The following EHMT2 variants were observed in gnomAD, a reference collection of about 807,000 sequenced individuals.
EHMT2 encodes euchromatic histone lysine methyltransferase 2, also known as histone-lysine N-methyltransferase EHMT2.
EHMT2 carries 59 observed loss-of-function variants against 143.3 expected under a neutral mutation model. The observed-to-expected ratio is 0.41, with a 90% CI of 0.33 to 0.51. EHMT2 has a LOEUF of 0.51. EHMT2 is among the 20% of genes least tolerant of loss of function. The pLI, the probability that EHMT2 is intolerant of heterozygous loss-of-function variation, is 0.18. For synonymous variants in EHMT2, 604 were observed against 651.5 expected (o/e 0.93, Z 1.11); for missense variants, 1,174 against 1,645.9 (o/e 0.71, Z 4.96).
intron 16 of EHMT2, 38 bp downstream of exon 16, chr6:31,886,957 G>A (rs758926792): frequency 8.7e-5 from 140 of 1,613,640 alleles, no homozygotes; most frequent in Non-Finnish European, 1.2e-4. Context: ...GGGCCTAAGG[G>A]CCTGGTGAAT....
rs143327875 is a variant in EHMT2 at position 31,884,482 on chromosome 6, C to T, written c.2681G>A (p.Arg894His). The change falls in exon 21 of 28, where the codon CGC becomes CAC. Residue 894 changes from arginine to histidine, a missense_variant. Physicochemically the swap from Arg to His is conservative, Grantham distance 29. Transcript: ENST00000375537. This position sits in a 1 kb window ranked among gnomAD's most constrained non-coding sequence, Gnocchi z 7.3. Reference sequence around the variant, plus strand: ...TTGAAGCGCAAACCACACGTCGGAGCGCTCGGGAGTCAGGTCCCATGCTGT... The same window carrying T: ...TTGAAGCGCAAACCACACGTCGGAGTGCTCGGGAGTCAGGTCCCATGCTGT... 34 of 1,612,824 alleles carry T rather than the reference C, an allele frequency of 2.1e-5. No individual in the cohort carries two copies. The African/African-American group carries it at 3.6e-4, about 17-fold the overall frequency.
In EHMT2 at chr6:31,880,798, G is replaced by A. The variant is rs1321130196; in HGVS notation, c.3327C>T (p.Arg1109=). The A allele has an allele frequency of 1.2e-5, 20 of 1,613,858 alleles. No homozygotes were observed. Among genetic ancestry groups the A allele is most frequent in the Non-Finnish European group, 1.6e-5 (19 of 1,180,040 alleles). Reference sequence around the variant, plus strand: ...TGGGGTCACACAGGTGGTTGATGAAGCGGCTGATGTTGCCATAGTAACGGG... The same window carrying A: ...TGGGGTCACACAGGTGGTTGATGAAACGGCTGATGTTGCCATAGTAACGGG... Residue 1109 remains arginine (R), a synonymous_variant, in exon 27 of 28, where the codon CGC becomes CGT. Transcript: ENST00000375537. The surrounding 1 kb of genome is among the most constrained non-coding windows in gnomAD (Gnocchi z 6.6).
At position 31,880,055 on chromosome 6, in the gene EHMT2, A is replaced by G. The variant is rs1763894575; in HGVS notation, c.*29T>C. ...GGAGGCGGCTGAGCTGTGGCCATCCATGCTGGGGAGAGAGGGTGTGGTCCG... is the reference window on the plus strand; with the variant it reads ...GGAGGCGGCTGAGCTGTGGCCATCCGTGCTGGGGAGAGAGGGTGTGGTCCG... On this transcript the variant is annotated 3_prime_UTR_variant, in exon 28 of 28. Coordinates refer to ENST00000375537, the Ensembl canonical transcript of EHMT2. The surrounding 1 kb of genome is among the most constrained non-coding windows in gnomAD (Gnocchi z 6.6). 3 of 1,602,528 alleles carry G rather than the reference A, an allele frequency of 1.9e-6. No individual in the cohort carries two copies. Among genetic ancestry groups the G allele is most frequent in the South Asian group, 1.1e-5 (1 of 90,630 alleles).
intron 4 of EHMT2, among the ~76,000 whole-genome samples, chr6:31,894,426 C>T (rs148253466): frequency 0.029 from 4,473 of 152,020 alleles, 176 homozygotes; most frequent in African/African-American, 0.091. Flanking sequence ...GGATTACATG[C>T]GTGAGGCACC....
In EHMT2 at chr6:31,881,378, G is replaced by A; in HGVS notation, c.3198-286C>T. The A allele has an allele frequency of 1.8e-6, 1 of 545,666 alleles. No individual in the cohort carries two copies. Among genetic ancestry groups the A allele is most frequent in the South Asian group, 2.1e-5 (1 of 47,640 alleles). The allele number at this position is 545,666 out of a possible 1,614,324, so 33.8% of individuals were successfully genotyped here. On this transcript the variant is annotated intron_variant, in intron 25 of 27. Coordinates refer to ENST00000375537, the Ensembl canonical transcript of EHMT2. This position sits in a 1 kb window ranked among gnomAD's most constrained non-coding sequence, Gnocchi z 4.8. ...GTGGGGAAGTTCGGGTTTGGACACA[G>A]AGAGGTTTGTGTTCCAGGAGCCACC...
intron 7 of EHMT2, among the ~76,000 whole-genome samples, chr6:31,890,338 C>G (rs1765523806): frequency 6.6e-6 from 1 of 152,070 alleles, no homozygotes; most frequent in Admixed American, 6.5e-5. Context: ...CTCACTGCAA[C>G]CTCCACCTCC....
chr6:31,886,482 G>A (rs1186655253), intron 18 of EHMT2, 99 bp downstream of exon 18: 28 of 938,532 alleles, frequency 3.0e-5, no homozygotes, highest in Admixed American at 4.5e-5. Flanking sequence ...CACGAGCAGT[G>A]TGAGGTCAGA....
At chr6:31,894,576 C>T (rs184605008) in intron 4 of EHMT2, among the ~76,000 whole-genome samples, 20 of 152,342 alleles carry the variant, frequency 1.3e-4, no homozygotes, top group African/African-American at 4.8e-4. Flanking sequence ...GCCACTGCGC[C>T]TGGCCTAAAA....
chr6:31,880,100 G>T lies in EHMT2; in HGVS notation c.3617C>A (p.Pro1206His). 6.2e-7 allele frequency: 1 copy of T among 1,612,666 alleles called. No individual in the cohort carries two copies. The highest frequency in any genetic ancestry group is 1.7e-5 in the Admixed American group (1 of 60,008). ...GGTCCGTTCTCATGTGTTGACAGGG[G>T]GCAGGGAGCCGAGCTCGGGCAGCAG... The change falls in exon 28 of 28, where the codon CCC (proline) becomes CAC (histidine). Residue 1206 changes from proline (P) to histidine (H), a missense_variant. Physicochemically the swap from Pro to His is moderately conservative, Grantham distance 77. This residue lies in a region of EHMT2 where 42 missense variants were observed against 45.1 expected (regional missense o/e 0.93). Transcript: ENST00000375537. The surrounding 1 kb of genome is among the most constrained non-coding windows in gnomAD (Gnocchi z 6.6).
intron 7 of EHMT2, 117 bp downstream of exon 7, chr6:31,892,290 G>A (rs1411728090): frequency 1.7e-6 from 2 of 1,189,288 alleles, no homozygotes; most frequent in African/African-American, 1.5e-5. Context: ...ATGACTTAGT[G>A]GATATTCAGA....
rs1037806949 is a variant in EHMT2 at position 31,880,978 on chromosome 6, TG to T, written c.3276+35del. The T allele has an allele frequency of 1.2e-6, 2 of 1,610,598 alleles. No individual in the cohort carries two copies. Among genetic ancestry groups the T allele is most frequent in the African/African-American group, 2.7e-5 (2 of 74,840 alleles). On this transcript the variant is annotated intron_variant, in intron 26 of 27. Coordinates refer to ENST00000375537, the Ensembl canonical transcript of EHMT2. This position sits in a 1 kb window ranked among gnomAD's most constrained non-coding sequence, Gnocchi z 6.6. The stretch of plus-strand genomic sequence containing the variant: ...CCCAGAGGCTCCTGAAAGCCAGCCC[TG>T]GGGAGCAGCAGGGTAAGGAGGGTCT...
Position 31,889,018 on chromosome 6 carries a change from C to T in EHMT2, c.1167G>A (p.Leu389=), listed in dbSNP as rs1371801865. Residue 389 remains leucine (L), a synonymous_variant, in exon 10 of 28, where the codon CTG becomes CTA. Coordinates refer to ENST00000375537, the Ensembl canonical transcript of EHMT2. This position sits in a 1 kb window ranked among gnomAD's most constrained non-coding sequence, Gnocchi z 5.1. ...CCTCGCTGGGCAGCTCCAGGGACCC[C>T]AGAGGGACCTCCATGTACTCACTGG... 1 of 1,602,364 alleles carries T rather than the reference C, an allele frequency of 6.2e-7. No individual in the cohort carries two copies. Among genetic ancestry groups the T allele is most frequent in the Non-Finnish European group, 8.5e-7 (1 of 1,176,510 alleles).
Position 31,897,177 on chromosome 6 carries a change from C to T in EHMT2, c.43-188G>A, listed in dbSNP as rs1022889753. ...ACCCCTCCCCCGGGCCCGCATCAACCCCCTCCCTCTCGGTAGACCCCGCAT... is the reference window on the plus strand; with the variant it reads ...ACCCCTCCCCCGGGCCCGCATCAACTCCCTCCCTCTCGGTAGACCCCGCAT... On this transcript the variant is annotated intron_variant, in intron 1 of 27. Coordinates refer to ENST00000375537, the Ensembl canonical transcript of EHMT2. 7 of 1,318,322 alleles carry T rather than the reference C, an allele frequency of 5.3e-6. No homozygotes were observed. In the African/African-American group the frequency reaches 6.2e-5, roughly 12 times the overall value. The allele number at this position is 1,318,322 out of a possible 1,614,324, so 81.7% of individuals were successfully genotyped here.
At chr6:31,897,073 A>G (rs1766613803) in intron 1 of EHMT2, 84 bp from the exon 2 acceptor site, 2 of 1,491,316 alleles carry the variant, frequency 1.3e-6, no homozygotes, top group East Asian at 2.4e-5. Context: ...CTGGGAAGAG[A>G]GAGTAGGCTC....
intron 2 of EHMT2, 42 bp from the exon 3 acceptor site, chr6:31,896,866 G>C (rs1019660416): frequency 6.2e-7 from 1 of 1,612,134 alleles, no homozygotes; most frequent in African/African-American, 1.3e-5. Context: ...GGGCTCAGGA[G>C]ATCCTGTGTT....
Position 31,883,976 on chromosome 6 carries a change from G to A in EHMT2, c.2772-26C>T. The A allele has an allele frequency of 6.2e-7, 1 of 1,610,020 alleles. No homozygotes were observed. Among genetic ancestry groups the A allele is most frequent in the Non-Finnish European group, 8.5e-7 (1 of 1,177,234 alleles). Reference sequence around the variant, plus strand: ...CTGCAGAAGACGGGAAGAAGGGGCTGGGAAGCTGGAAAAGGGGGTGAGGAG... The same window carrying A: ...CTGCAGAAGACGGGAAGAAGGGGCTAGGAAGCTGGAAAAGGGGGTGAGGAG... On this transcript the variant is annotated intron_variant, in intron 21 of 27. Transcript: ENST00000375537. This position sits in a 1 kb window ranked among gnomAD's most constrained non-coding sequence, Gnocchi z 5.6.
Position 31,881,323 on chromosome 6 carries a change from G to A in EHMT2, c.3198-231C>T, listed in dbSNP as rs1764076702. On this transcript the variant is annotated intron_variant, in intron 25 of 27. Coordinates refer to ENST00000375537, the Ensembl canonical transcript of EHMT2. The surrounding 1 kb of genome is among the most constrained non-coding windows in gnomAD (Gnocchi z 4.8). ...ACAGACAACAAGCTCTGTGGTTAAG[G>A]GGATTAATGTGTAGGGGCAGTTGGC... is the stretch of plus-strand genomic sequence containing the variant. The A allele has an allele frequency of 3.3e-6, 2 of 602,488 alleles. No individual in the cohort carries two copies. Among genetic ancestry groups the A allele is most frequent in the African/African-American group, 1.8e-5 (1 of 54,134 alleles). 37.3% of individuals were successfully genotyped at this position (602,488 alleles called of 1,614,324 possible).
intron 25 of EHMT2, 100 bp downstream of exon 25, chr6:31,882,597 CAT>C: frequency 2.6e-6 from 3 of 1,153,188 alleles, no homozygotes; most frequent in Non-Finnish European, 3.8e-6. Flanking sequence ...CAGATGGAGA[CAT>C]GTGACTCATC....
rs1162557974 is a variant in EHMT2, at chr6:31,887,507, C to T, written c.2011+70G>A. 9 of 1,393,048 alleles carry T rather than the reference C, an allele frequency of 6.5e-6. 1 individual carries two copies. The highest frequency in any genetic ancestry group is 9.2e-6 in the Non-Finnish European group (9 of 983,532). 86.3% of individuals were successfully genotyped at this position (1,393,048 alleles called of 1,614,324 possible). ...GTGTCCTTCACGACTGTACTCCTGGCCCTGTACCCAGTGCCTGGTATATAC... is the reference window on the plus strand; with the variant it reads ...GTGTCCTTCACGACTGTACTCCTGGTCCTGTACCCAGTGCCTGGTATATAC... On this transcript the variant is annotated intron_variant, in intron 15 of 27. Coordinates refer to ENST00000375537, the Ensembl canonical transcript of EHMT2.
Sources: allele counts gnomAD v4.1 joint callset (sites outside exome capture counted in the v4.1 genomes callset), GRCh38; gene constraint gnomAD v4.1.1; regional missense constraint gnomAD v4.1.1; non-coding constraint Gnocchi (gnomAD v3.1); transcripts MANE v1.5; gene names NCBI Gene and HGNC (gene_info 2026-07-23, HGNC 2026-07-21).